SORBS2: variants seen among roughly 807,000 people sequenced by gnomAD.
The protein encoded by SORBS2 is sorbin and SH3 domain containing 2.
In SORBS2, 46 loss-of-function variants were observed where a neutral mutation model predicts 97.7. The ratio of observed to expected loss-of-function variants is 0.47; its 90% CI spans 0.37 to 0.60. SORBS2 has a LOEUF of 0.60. Among genes scored for constraint, SORBS2 ranks in the 20% least tolerant of loss-of-function variants. The pLI, the probability that SORBS2 is intolerant of heterozygous loss-of-function variation, is 0.00. For missense variants in SORBS2, 1,316 were observed against 1,282.3 expected, an observed-to-expected ratio of 1.03 and a Z score of -0.40; for synonymous variants, 476 against 473.4, an observed-to-expected ratio of 1.01 and a Z score of -0.07.
At chr4:185,657,559 C>T (rs769846494), upstream of SORBS2, 1 of 1,586,118 alleles carries the variant, frequency 6.3e-7, no homozygotes, top group Admixed American at 1.8e-5. Flanking sequence ...TGGTGCCATC[C>T]AGAGACTGCG....
chr4:185,842,369 G>A (rs899487009), intron 1 of SORBS2, among the ~76,000 whole-genome samples: 2 of 152,194 alleles, frequency 1.3e-5, no homozygotes, highest in Non-Finnish European at 2.9e-5. Flanking sequence ...TGGACAAGAA[G>A]GAAAGTGTCA....
intron 1 of SORBS2, among the ~76,000 whole-genome samples, chr4:185,922,797 T>C (rs2099261527): frequency 1.3e-5 from 2 of 152,208 alleles, no homozygotes; most frequent in African/African-American, 4.8e-5. Flanking sequence ...CTTTAAAAAT[T>C]GACATGCTCA....
At chr4:185,917,768 G>A (rs2099258958) in intron 1 of SORBS2, among the ~76,000 whole-genome samples, 1 of 152,074 alleles carries the variant, frequency 6.6e-6, no homozygotes, top group Non-Finnish European at 1.5e-5. Flanking sequence ...CATCAGAATG[G>A]TACTGAACTG....
intron 1 of SORBS2, among the ~76,000 whole-genome samples, chr4:185,902,476 C>T (rs2099248244): frequency 6.6e-6 from 1 of 152,018 alleles, no homozygotes; most frequent in African/African-American, 2.4e-5. Context: ...GAACCAAGTT[C>T]CTCAACATCT....
At chr4:185,626,064 T>C (rs1210312063) in intron 6 of SORBS2, among the ~76,000 whole-genome samples, 1 of 152,198 alleles carries the variant, frequency 6.6e-6, no homozygotes, top group Non-Finnish European at 1.5e-5. Context: ...CAATCCTCAC[T>C]CTCCATCTCA....
chr4:185,640,058 T>C (rs910870683), intron 4 of SORBS2, among the ~76,000 whole-genome samples: 1 of 152,238 alleles, frequency 6.6e-6, no homozygotes, highest in Non-Finnish European at 1.5e-5. Flanking sequence ...ACTCACAGTG[T>C]TTTTAGTGAT....
rs1394595226 is a variant in SORBS2 at position 185,607,391 on chromosome 4, C to T, written c.2796+4389G>A. The T allele has an allele frequency of 9.2e-7, 1 of 1,081,634 alleles. No individual in the cohort carries two copies. Among genetic ancestry groups the T allele is most frequent in the East Asian group, 6.0e-5 (1 of 16,554 alleles). 67.0% of individuals were successfully genotyped at this position (1,081,634 alleles called of 1,614,324 possible). On this transcript the variant is annotated intron_variant, in intron 12 of 14. Coordinates refer to ENST00000418609, the Ensembl canonical transcript of SORBS2. This position sits in a 1 kb window ranked among gnomAD's most constrained non-coding sequence, Gnocchi z 5.2. ...GATTATGAAGTTAAGAAAAAATAAACTAAGAAAATAATAATAATGCATCAA... is the reference window on the plus strand; with the variant it reads ...GATTATGAAGTTAAGAAAAAATAAATTAAGAAAATAATAATAATGCATCAA...
intron 2 of SORBS2, among the ~76,000 whole-genome samples, chr4:185,718,855 A>T (rs1467042165): frequency 1.3e-5 from 2 of 152,224 alleles, no homozygotes; most frequent in Non-Finnish European, 2.9e-5. Flanking sequence ...CTTTAAAAAA[A>T]ATAATGTTCT....
chr4:185,887,958 ATATGTGTGTG>A (rs71987186), intron 1 of SORBS2, among the ~76,000 whole-genome samples: 19,453 of 149,062 alleles, frequency 0.13, 1,304 homozygotes, highest in Middle Eastern at 0.2. Context: ...TAGTATATAT[ATATGTGTGTG>A]TGTGTGTGTG....
intron 4 of SORBS2, among the ~76,000 whole-genome samples, chr4:185,645,016 G>T (rs1431044653): frequency 6.6e-6 from 1 of 152,106 alleles, no homozygotes; most frequent in African/African-American, 2.4e-5. Flanking sequence ...AGTGTGTCCT[G>T]TTCCCCGCTG....
chr4:185,848,502 T>C (rs1472163222), intron 1 of SORBS2, among the ~76,000 whole-genome samples: 1 of 152,166 alleles, frequency 6.6e-6, no homozygotes, highest in Non-Finnish European at 1.5e-5. Context: ...GATGCAAATT[T>C]ATGAAAGGTA....
At chr4:185,736,856 G>C (rs1349285337) in intron 2 of SORBS2, among the ~76,000 whole-genome samples, 1 of 152,170 alleles carries the variant, frequency 6.6e-6, no homozygotes, top group African/African-American at 2.4e-5. Context: ...CCATAGTTGG[G>C]GAGACTGAAA....
intron 2 of SORBS2, among the ~76,000 whole-genome samples, chr4:185,711,703 G>A (rs1036329270): frequency 2.0e-5 from 3 of 152,122 alleles, no homozygotes; most frequent in South Asian, 2.1e-4. Context: ...TGAGGCAATC[G>A]TAGAGGAATG....
At chr4:185,832,592 C>T (rs938458796) in intron 1 of SORBS2, among the ~76,000 whole-genome samples, 8 of 152,192 alleles carry the variant, frequency 5.3e-5, no homozygotes, top group South Asian at 2.1e-4. Flanking sequence ...GCTGATGAAA[C>T]AGAATTATTC....
chr4:185,795,185 C>T (rs763662258), intron 1 of SORBS2, among the ~76,000 whole-genome samples: 4 of 152,090 alleles, frequency 2.6e-5, no homozygotes, highest in Admixed American at 1.3e-4. Flanking sequence ...TTTCATCTTG[C>T]GCTGGGCCCT....
chr4:185,776,952 G>T (rs2099003194), intron 1 of SORBS2, among the ~76,000 whole-genome samples: 1 of 150,854 alleles, frequency 6.6e-6, no homozygotes, highest in South Asian at 2.1e-4. Context: ...TGTGAGGGTT[G>T]GTTGCTAGAT....
chr4:185,606,602 C>T lies in SORBS2; in HGVS notation c.2796+5178G>A. ...TAAAATACCTCATTACTGGGTTTTG[C>T]TGCATTGCTGTCCTCCTTGGGGGTC... is the stretch of plus-strand genomic sequence containing the variant. On this transcript the variant is annotated intron_variant, in intron 12 of 14. Transcript: ENST00000418609. This position sits in a 1 kb window ranked among gnomAD's most constrained non-coding sequence, Gnocchi z 4.3. 3.0e-6 allele frequency: 3 copies of T among 985,298 alleles called. No individual in the cohort carries two copies. The highest frequency in any genetic ancestry group is 3.6e-6 in the Non-Finnish European group (3 of 829,906). The allele number at this position is 985,298 out of a possible 1,614,324, so 61.0% of individuals were successfully genotyped here. A position where few individuals can be genotyped will look rare whatever the true frequency, so the allele number is the denominator to read the frequency against.
In SORBS2 at chr4:185,689,574, G is replaced by T. The variant is rs117377871; in HGVS notation, c.-197-10752C>A. ...TGCCTGTTGTCCACATGTCTGCAAG[G>T]TGACTGCATCCCCAGGAGCCCGCCC... On this transcript the variant is annotated intron_variant, in intron 2 of 20. Transcript: ENST00000284776. Among the ~76,000 whole-genome samples, 236 of 152,264 alleles carry T rather than the reference G, an allele frequency of 1.5e-3. 5 individuals carry two copies. In the East Asian group the frequency reaches 0.033, roughly 21 times the overall value.
intron 1 of SORBS2, among the ~76,000 whole-genome samples, chr4:185,884,579 G>A (rs910300679): frequency 4.6e-5 from 7 of 152,206 alleles, no homozygotes; most frequent in Non-Finnish European, 7.3e-5. Flanking sequence ...GCTGAGTAGA[G>A]GTGAGAATAT....
Sources: allele counts gnomAD v4.1 joint callset (sites outside exome capture counted in the v4.1 genomes callset), GRCh38; gene constraint gnomAD v4.1.1; non-coding constraint Gnocchi (gnomAD v3.1); transcripts MANE v1.5; gene names NCBI Gene and HGNC (gene_info 2026-07-23, HGNC 2026-07-21).